The following KLHL13 variants were observed in gnomAD, a reference collection of about 807,000 sequenced individuals.
The protein encoded by KLHL13 is kelch like family member 13.
In KLHL13, 10 loss-of-function variants were observed where a neutral mutation model predicts 37.1. That is an observed-to-expected ratio of 0.27 (90% CI 0.17 to 0.46). The LOEUF (loss-of-function observed/expected upper bound fraction) is 0.46. KLHL13 is among the 20% of genes least tolerant of loss of function. The pLI is 1.00. For missense variants in KLHL13, 360 were observed against 509.3 expected (o/e 0.71, Z 2.82); for synonymous variants, 163 against 181.2 (o/e 0.90, Z 0.81).
intron 1 of KLHL13, among the ~76,000 whole-genome samples, chrX:118,097,466 G>T (rs2055225517): frequency 9.0e-6 from 1 of 111,589 alleles, no homozygotes; most frequent in Non-Finnish European, 1.9e-5. Context: ...CATGCTCATG[G>T]GTAGGAAGAA....
chrX:118,093,065 A>G (rs1479258417), intron 1 of KLHL13, among the ~76,000 whole-genome samples: 2 of 111,771 alleles, frequency 1.8e-5, no homozygotes, highest in Non-Finnish European at 3.8e-5. Context: ...CATTTTCTTT[A>G]ATTATTTGCC....
intron 1 of KLHL13, among the ~76,000 whole-genome samples, chrX:118,097,983 G>A (rs1602722603): frequency 9.0e-6 from 1 of 111,314 alleles, no homozygotes; most frequent in Non-Finnish European, 1.9e-5. Flanking sequence ...ACCCTAGAAG[G>A]AAACCTAGGC....
intron 4 of KLHL13, among the ~76,000 whole-genome samples, chrX:117,912,548 C>A (rs895452401): frequency 1.8e-5 from 2 of 111,895 alleles, no homozygotes; most frequent in Non-Finnish European, 3.8e-5. Flanking sequence ...TATTTACAGG[C>A]ATTTGGAAAA....
intron 1 of KLHL13, among the ~76,000 whole-genome samples, chrX:118,009,108 T>C (rs2147983934): frequency 9.4e-6 from 1 of 106,895 alleles, no homozygotes; most frequent in South Asian, 4.4e-4. Flanking sequence ...TTTGTTTTTT[T>C]CTTGTAAATT....
chrX:117,941,540 C>T lies in KLHL13; in HGVS notation c.240+3894G>A, dbSNP rs764086724. Among the ~76,000 whole-genome samples, 7 of 111,188 alleles carry T rather than the reference C, an allele frequency of 6.3e-5. No individual in the cohort carries two copies. In the East Asian group the frequency reaches 2.0e-3, roughly 31 times the overall value. ...CTTGTTATTGGTCTATTCAGGGATT[C>T]GACTTCTTCCTAGTTTAGTCTTGGG... On this transcript the variant is annotated intron_variant, in intron 2 of 6. Coordinates refer to ENST00000262820, the Ensembl canonical transcript of KLHL13.
At chrX:118,023,440 C>A (rs1350855342) in intron 1 of KLHL13, among the ~76,000 whole-genome samples, 2 of 111,221 alleles carry the variant, frequency 1.8e-5, no homozygotes, top group Non-Finnish European at 3.8e-5. Flanking sequence ...TAATTGTTTT[C>A]AAACACCTTT....
At chrX:117,953,409 T>C (rs1316703615) in intron 1 of KLHL13, among the ~76,000 whole-genome samples, 1 of 106,723 alleles carries the variant, frequency 9.4e-6, no homozygotes, top group Non-Finnish European at 1.9e-5. Flanking sequence ...TGTTGTGGGG[T>C]GGGGGAAGGG....
At chrX:117,943,534 CT>C (rs1933157758) in intron 2 of KLHL13, among the ~76,000 whole-genome samples, 1 of 109,190 alleles carries the variant, frequency 9.2e-6, no homozygotes, top group Non-Finnish European at 1.9e-5. Flanking sequence ...TCTTTTCATT[CT>C]TTTTTCTTTG....
At chrX:117,964,358 A>G (rs1428253536) in intron 1 of KLHL13, among the ~76,000 whole-genome samples, 1 of 112,157 alleles carries the variant, frequency 8.9e-6, no homozygotes, top group African/African-American at 3.2e-5. Flanking sequence ...AGTAAGCAAG[A>G]ATTTATTTAA....
chrX:118,105,937 T>G (rs2055341651), intron 1 of KLHL13, among the ~76,000 whole-genome samples: 1 of 92,618 alleles, frequency 1.1e-5, no homozygotes, highest in African/African-American at 4.1e-5. Flanking sequence ...AGTCTCGCTC[T>G]GTCGCCCAGG....
intron 1 of KLHL13, chrX:117,985,463 A>C (rs1356251333): frequency 1.3e-6 from 1 of 756,015 alleles, no homozygotes; most frequent in African/African-American, 2.2e-5. Flanking sequence ...AAAAAAAAAA[A>C]ACCTATGTAC....
chrX:118,076,849 C>A (rs1167920607), intron 1 of KLHL13, among the ~76,000 whole-genome samples: 2 of 108,644 alleles, frequency 1.8e-5, no homozygotes, highest in African/African-American at 3.4e-5. Flanking sequence ...TCTTTCTTTT[C>A]TTTTCTTTCT....
intron 1 of KLHL13, chrX:117,983,448 A>T (rs762080513): frequency 4.3e-6 from 4 of 933,616 alleles, no homozygotes; most frequent in African/African-American, 4.2e-5. Flanking sequence ...AAAAAAAAAA[A>T]GGTGAGGAAA....
At chrX:118,112,523 C>G (rs1359002163) in intron 1 of KLHL13, among the ~76,000 whole-genome samples, 3 of 112,021 alleles carry the variant, frequency 2.7e-5, no homozygotes, top group Non-Finnish European at 5.6e-5. Flanking sequence ...CAAGCACCCA[C>G]TGTGCACGTA....
chrX:118,112,241 T>C (rs2055419846), intron 1 of KLHL13, among the ~76,000 whole-genome samples: 1 of 112,532 alleles, frequency 8.9e-6, no homozygotes. Context: ...ACAGTATTTA[T>C]TCATTATTCA....
At chrX:118,084,517 T>C (rs1465993782) in intron 1 of KLHL13, among the ~76,000 whole-genome samples, 2 of 111,960 alleles carry the variant, frequency 1.8e-5, no homozygotes, top group Non-Finnish European at 3.8e-5. Flanking sequence ...ATGAAACTTC[T>C]CTGAGGGGCA....
chrX:118,091,154 G>T (rs1205699811), intron 1 of KLHL13, among the ~76,000 whole-genome samples: 2 of 102,415 alleles, frequency 2.0e-5, no homozygotes, highest in East Asian at 3.3e-4. Flanking sequence ...GGGAGGGATA[G>T]CATTAGGAGA....
rs754021819 is a variant in KLHL13, at chrX:118,063,974, C to T, written c.-56+52534G>A. Among the ~76,000 whole-genome samples the T allele has an allele frequency of 1.4e-4, 15 of 110,992 alleles. No individual in the cohort carries two copies. In the East Asian group the frequency reaches 2.2e-3, roughly 17 times the overall value. ...CTAGCAGCTGTTATATATTTTTTTC[C>T]GACTAAGTCTGAAGTTACAATAAAC... is the stretch of plus-strand genomic sequence containing the variant. On this transcript the variant is annotated intron_variant, in intron 1 of 6. Transcript: ENST00000371882.
At chrX:118,095,002 C>G (rs2055185315) in intron 1 of KLHL13, among the ~76,000 whole-genome samples, 1 of 111,324 alleles carries the variant, frequency 9.0e-6, no homozygotes, top group Non-Finnish European at 1.9e-5. Context: ...AAATAACCAG[C>G]TAACATCATA....
Sources: allele counts gnomAD v4.1 joint callset (sites outside exome capture counted in the v4.1 genomes callset), GRCh38; gene constraint gnomAD v4.1.1; transcripts MANE v1.5; gene names NCBI Gene and HGNC (gene_info 2026-07-23, HGNC 2026-07-21).